Variants in MET observed in about 807,000 individuals in gnomAD.
MET encodes MET proto-oncogene, receptor tyrosine kinase.
A neutral mutation model predicts 133.1 loss-of-function variants in MET; 48 were observed. The observed-to-expected ratio is 0.36, with a 90% CI of 0.29 to 0.46. The LOEUF is 0.46. MET is among the 20% of genes least tolerant of loss of function. The pLI is 1.00. For missense variants in MET, 1,442 were observed against 1,695.9 expected (o/e 0.85, Z 2.63); for synonymous variants, 628 against 616.5 (o/e 1.02, Z -0.28).
At position 116,731,733 on chromosome 7, in the gene MET, A is replaced by G. The variant is rs1407970053; in HGVS notation, c.1266A>G (p.Thr422=). 3.7e-6 allele frequency: 6 copies of G among 1,614,032 alleles called. No homozygotes were observed. Among genetic ancestry groups the G allele is most frequent in the Non-Finnish European group, 5.1e-6 (6 of 1,180,010 alleles). The stretch of plus-strand genomic sequence containing the variant: ...ATGAATATCGAACAGAGTTTACCAC[A>G]GCTTTGCAGCGCGTTGACTTATTCA... ...RRDEYRTEFT[T]ALQRVDLFMG... is the part of the protein sequence containing the mutation. Residue 422 remains threonine, a synonymous_variant, in exon 3 of 21, where the codon ACA becomes ACG. Transcript: ENST00000397752.
At chr7:116,691,632 G>A (rs1297289430) in intron 1 of MET, among the ~76,000 whole-genome samples, 1 of 152,292 alleles carries the variant, frequency 6.6e-6, no homozygotes, top group African/African-American at 2.4e-5. Flanking sequence ...GCCTCCCTCC[G>A]TGTCTGGGCT....
intron 17 of MET, among the ~76,000 whole-genome samples, chr7:116,779,305 C>G (rs901391802): frequency 6.6e-6 from 1 of 152,214 alleles, no homozygotes; most frequent in African/African-American, 2.4e-5. Flanking sequence ...AATGTTAACT[C>G]TACAAGGCAT....
At chr7:116,686,657 A>G (rs1440158497) in intron 1 of MET, among the ~76,000 whole-genome samples, 2 of 152,276 alleles carry the variant, frequency 1.3e-5, no homozygotes, top group African/African-American at 2.4e-5. Flanking sequence ...TGCATAGACA[A>G]AAGTGATATT....
chr7:116,718,336 C>T (rs1296811173), intron 2 of MET, among the ~76,000 whole-genome samples: 1 of 151,726 alleles, frequency 6.6e-6, no homozygotes, highest in Non-Finnish European at 1.5e-5. Context: ...TGTAGTGAGC[C>T]GAGATCACGC....
At chr7:116,750,788 G>T (rs1200410468) in intron 5 of MET, among the ~76,000 whole-genome samples, 1 of 152,140 alleles carries the variant, frequency 6.6e-6, no homozygotes, top group Non-Finnish European at 1.5e-5. Context: ...CTCAAAAGAA[G>T]ACATTTAGGT....
At chr7:116,717,890 A>G (rs527933016) in intron 2 of MET, among the ~76,000 whole-genome samples, 3 of 152,284 alleles carry the variant, frequency 2.0e-5, no homozygotes, top group African/African-American at 7.2e-5. Flanking sequence ...TAGCACTTCA[A>G]TTTTCTTTTT....
chr7:116,735,976 C>T (rs1197296975), intron 3 of MET, among the ~76,000 whole-genome samples: 1 of 151,856 alleles, frequency 6.6e-6, no homozygotes, highest in Middle Eastern at 3.2e-3. Context: ...GGGTTTTTCG[C>T]CATGTTGGCC....
intron 2 of MET, among the ~76,000 whole-genome samples, chr7:116,701,353 G>T (rs1791573427): frequency 6.6e-6 from 1 of 152,126 alleles, no homozygotes; most frequent in African/African-American, 2.4e-5. Context: ...GGTTATAATT[G>T]CAATCAGGTA....
chr7:116,700,536 G>C (rs1791541083), intron 2 of MET, among the ~76,000 whole-genome samples: 1 of 152,080 alleles, frequency 6.6e-6, no homozygotes, highest in South Asian at 2.1e-4. Context: ...TGACATTTCA[G>C]ATTATATTAA....
At chr7:116,741,067 GTTTT>G (rs112241458) in intron 5 of MET, 42 bp downstream of exon 5, 65 of 1,348,002 alleles carry the variant, frequency 4.8e-5, no homozygotes, top group East Asian at 1.0e-4. Flanking sequence ...TTTGTTTGGT[GTTTT>G]TTTTTTTTTT....
intron 1 of MET, among the ~76,000 whole-genome samples, chr7:116,697,579 A>G (rs1256586537): frequency 6.6e-6 from 1 of 152,158 alleles, no homozygotes; most frequent in Non-Finnish European, 1.5e-5. Flanking sequence ...ACTACACTTA[A>G]CCATTATGTA....
At chr7:116,704,489 C>T (rs951688640) in intron 2 of MET, among the ~76,000 whole-genome samples, 2 of 152,164 alleles carry the variant, frequency 1.3e-5, no homozygotes, top group African/African-American at 4.8e-5. Flanking sequence ...GGAATACTTG[C>T]GTAAAGAAAG....
At chr7:116,743,767 G>T (rs1793552459) in intron 5 of MET, among the ~76,000 whole-genome samples, 1 of 152,188 alleles carries the variant, frequency 6.6e-6, no homozygotes, top group South Asian at 2.1e-4. Context: ...GGGGTCGACA[G>T]ACACCTCACA....
At chr7:116,741,067 G>GTTTTTTTTTTTTTTTTTTTTTGTTTGGTT in intron 5 of MET, 42 bp downstream of exon 5, 1 of 1,348,788 alleles carries the variant, frequency 7.4e-7, no homozygotes, top group Admixed American at 2.2e-5. Context: ...TTTGTTTGGT[G>GTTTTTTTTTTTTTTTTTTTTTGTTTGGTT]TTTTTTTTTT....
intron 11 of MET, among the ~76,000 whole-genome samples, chr7:116,766,527 C>T (rs575953588): frequency 6.6e-6 from 1 of 152,250 alleles, no homozygotes; most frequent in East Asian, 1.9e-4. Context: ...GTCCTTCTCC[C>T]TTTGAATAAT....
At chr7:116,741,766 C>A (rs773786664) in intron 5 of MET, among the ~76,000 whole-genome samples, 1 of 152,188 alleles carries the variant, frequency 6.6e-6, no homozygotes, top group Non-Finnish European at 1.5e-5. Flanking sequence ...CTCTTTAATT[C>A]ATTCCAAAAA....
At chr7:116,729,512 G>A (rs969405192) in intron 2 of MET, among the ~76,000 whole-genome samples, 1 of 152,152 alleles carries the variant, frequency 6.6e-6, no homozygotes, top group African/African-American at 2.4e-5. Context: ...ACAATAAAAT[G>A]ATTTGAAATA....
rs2116584210 is a variant in MET, at chr7:116,699,344, G to A, written c.260G>A (p.Gly87Glu). Reference protein sequence around the residue: ...DLQKVAEYKTGPVLEHPDCFP... With the variant: ...DLQKVAEYKTEPVLEHPDCFP... The stretch of plus-strand genomic sequence containing the variant: ...CAGAAGGTTGCTGAGTACAAGACTG[G>A]GCCTGTGCTGGAACACCCAGATTGT... Residue 87 changes from glycine (G) to glutamate (E), a missense_variant, in exon 2 of 21, where the codon GGG becomes GAG. Gly to Glu is a moderately conservative substitution (Grantham distance 98). Coordinates refer to ENST00000397752, the MANE Select transcript of MET (RefSeq NM_000245.4). The A allele has an allele frequency of 1.2e-6, 2 of 1,613,970 alleles. No homozygotes were observed. Among genetic ancestry groups the A allele is most frequent in the Non-Finnish European group, 1.7e-6 (2 of 1,179,948 alleles).
intron 13 of MET, 72 bp from the exon 14 acceptor site, chr7:116,771,777 G>A (rs2116994724): frequency 6.2e-7 from 1 of 1,610,946 alleles, no homozygotes; most frequent in Non-Finnish European, 8.5e-7. Context: ...TGAGTTCTGG[G>A]CACTGGGTCA....
Sources: gnomAD v4.1 joint callset for allele counts (sites outside exome capture counted in the v4.1 genomes callset) on GRCh38, gnomAD v4.1.1 for gene constraint, MANE v1.5 for transcripts, NCBI Gene and HGNC (gene_info 2026-07-23, HGNC 2026-07-21) for gene names.